The following OR1J2 variants were observed in gnomAD, a reference collection of about 807,000 sequenced individuals.
OR1J2 encodes olfactory receptor 1J2.
For missense variants in OR1J2, 304 were observed against 246.1 expected, an observed-to-expected ratio of 1.24 and a Z score of -1.57; for synonymous variants, 142 against 99.7, an observed-to-expected ratio of 1.42 and a Z score of -2.52.
chr9:122,465,630 ATACT>A, the OR1J2 span, among the ~76,000 whole-genome samples: 3 of 152,232 alleles, frequency 2.0e-5, no homozygotes, highest in Non-Finnish European at 4.4e-5. Context: ...AATGGGAAAC[ATACT>A]TTAATTGGTA....
chr9:122,447,798 G>A, the OR1J2 span, among the ~76,000 whole-genome samples: 1 of 151,794 alleles, frequency 6.6e-6, no homozygotes, highest in Non-Finnish European at 1.5e-5. Flanking sequence ...AAAAACAATA[G>A]GGTTGTTTAG....
the OR1J2 span, among the ~76,000 whole-genome samples, chr9:122,578,955 T>A: frequency 0.12 from 16,762 of 142,778 alleles, 1,118 homozygotes; most frequent in South Asian, 0.21. Flanking sequence ...TTAAAAAAAA[T>A]TCTGAAAAAT....
the OR1J2 span, among the ~76,000 whole-genome samples, chr9:122,517,919 T>C: frequency 7.2e-3 from 1,092 of 152,330 alleles, 15 homozygotes; most frequent in African/African-American, 0.025. Flanking sequence ...CTCCTCCCTG[T>C]GTTCTCATTG....
chr9:122,482,818 A>C, the OR1J2 span, among the ~76,000 whole-genome samples: 101 of 152,300 alleles, frequency 6.6e-4, no homozygotes, highest in African/African-American at 2.1e-3. Context: ...GTTGATCTCA[A>C]AAAAGCAGAG....
the OR1J2 span, among the ~76,000 whole-genome samples, chr9:122,501,599 G>GT: frequency 9.2e-5 from 14 of 152,088 alleles, no homozygotes; most frequent in Non-Finnish European, 1.6e-4. Flanking sequence ...AGAAAAGAAA[G>GT]TAAGATTTTT....
the OR1J2 span, among the ~76,000 whole-genome samples, chr9:122,470,218 G>T: frequency 4.5e-4 from 69 of 152,304 alleles, no homozygotes; most frequent in African/African-American, 1.5e-3. Context: ...TGTGGGCAGG[G>T]CCCAGGGTCC....
the OR1J2 span, among the ~76,000 whole-genome samples, chr9:122,479,350 TA>T: frequency 6.6e-6 from 1 of 152,180 alleles, no homozygotes; most frequent in Non-Finnish European, 1.5e-5. Flanking sequence ...CCAGAGTAAG[TA>T]AAATGCTGAT....
At position 122,511,125 on chromosome 9, in the gene OR1J2, T is replaced by C. The variant is rs749241284; in HGVS notation, c.324T>C (p.Thr108=). Reference sequence around the variant, plus strand: ...AGATGTATTTTTTTATATTTTTTACTGACCTGGACAGCTTCCTTATTACAT... The same window carrying C: ...AGATGTATTTTTTTATATTTTTTACCGACCTGGACAGCTTCCTTATTACAT... ...ISQMYFFIFF[T]DLDSFLITSM... is the part of the protein sequence containing the mutation. Residue 108 remains threonine (T), a synonymous_variant, in exon 1 of 1, where the codon ACT becomes ACC. Transcript: ENST00000335302. 2.3e-6 allele frequency: 2 copies of C among 884,500 alleles called. No individual in the cohort carries two copies. Among genetic ancestry groups the C allele is most frequent in the East Asian group, 4.8e-5 (2 of 41,310 alleles). 54.8% of individuals were successfully genotyped at this position (884,500 alleles called of 1,614,324 possible).
the OR1J2 span, among the ~76,000 whole-genome samples, chr9:122,484,003 A>G: frequency 0.011 from 1,642 of 152,280 alleles, 14 homozygotes; most frequent in Middle Eastern, 0.024. Flanking sequence ...TGCACTGTAT[A>G]TATCAGTAAT....
chr9:122,454,333 A>G, the OR1J2 span, among the ~76,000 whole-genome samples: 2 of 152,284 alleles, frequency 1.3e-5, no homozygotes, highest in East Asian at 1.9e-4. Flanking sequence ...GCCTGGCAAT[A>G]TAGTGAAACC....
the OR1J2 span, chr9:122,519,554 G>A: frequency 1.2e-6 from 2 of 1,614,022 alleles, no homozygotes; most frequent in Non-Finnish European, 1.7e-6. Context: ...TCATGAAAGA[G>A]GGACTGTGTA....
the OR1J2 span, chr9:122,526,223 T>A: frequency 2.1e-6 from 1 of 470,544 alleles, no homozygotes; most frequent in East Asian, 3.2e-5. Context: ...ATTTTATAAA[T>A]GAGAAAACCA....
At chr9:122,460,652 G>T in the OR1J2 span, among the ~76,000 whole-genome samples, 1 of 152,110 alleles carries the variant, frequency 6.6e-6, no homozygotes, top group Non-Finnish European at 1.5e-5. Flanking sequence ...TGTAAAGAAT[G>T]ATGGTGTTAT....
At chr9:122,448,145 G>A in the OR1J2 span, among the ~76,000 whole-genome samples, 4 of 152,172 alleles carry the variant, frequency 2.6e-5, no homozygotes, top group African/African-American at 7.2e-5. Context: ...GGGGAATGCG[G>A]CAGGAGAACA....
the OR1J2 span, among the ~76,000 whole-genome samples, chr9:122,536,397 A>G: frequency 6.6e-6 from 1 of 152,092 alleles, no homozygotes. Context: ...ATCTAATTTC[A>G]CTCCCTCCAT....
chr9:122,550,478 A>G, the OR1J2 span, among the ~76,000 whole-genome samples: 1 of 152,170 alleles, frequency 6.6e-6, no homozygotes, highest in Admixed American at 6.6e-5. Context: ...TTGTGGTGAC[A>G]ATAGATGCAA....
the OR1J2 span, chr9:122,554,046 G>C: frequency 6.2e-7 from 1 of 1,613,726 alleles, no homozygotes; most frequent in Admixed American, 1.7e-5. Context: ...TAGGGCTGCT[G>C]TTCTCTATAT....
chr9:122,459,680 A>G, the OR1J2 span, among the ~76,000 whole-genome samples: 1 of 152,170 alleles, frequency 6.6e-6, no homozygotes, highest in African/African-American at 2.4e-5. Flanking sequence ...TTAATGTCAG[A>G]GAGATGTCAG....
chr9:122,486,657 G>A, the OR1J2 span, among the ~76,000 whole-genome samples: 587 of 152,260 alleles, frequency 3.9e-3, 2 homozygotes, highest in African/African-American at 0.014. Context: ...TATCATATCA[G>A]CCTAACAGGA....
Sources: gnomAD v4.1 joint callset for allele counts (sites outside exome capture counted in the v4.1 genomes callset) on GRCh38, gnomAD v4.1.1 for gene constraint, MANE v1.5 for transcripts, NCBI Gene and HGNC (gene_info 2026-07-23, HGNC 2026-07-21) for gene names.